The following SRPX variants were observed in gnomAD, a reference collection of about 807,000 sequenced individuals.
SRPX encodes the protein sushi repeat containing protein X-linked, also known as sushi repeat-containing protein SRPX.
A neutral mutation model predicts 38.1 loss-of-function variants in SRPX; 24 were observed. That is an observed-to-expected ratio of 0.63 (90% confidence interval 0.46 to 0.89). The LOEUF (loss-of-function observed/expected upper bound fraction) is 0.89, where lower values mean the gene tolerates loss of function less well. Among genes scored for constraint, SRPX ranks in the 40% least tolerant of loss-of-function variants. The pLI is 0.00. For synonymous variants in SRPX, 184 were observed against 153.8 expected, an observed-to-expected ratio of 1.20 and a Z score of -1.45; for missense variants, 416 against 377.8, an observed-to-expected ratio of 1.10 and a Z score of -0.84.
In SRPX at chrX:38,220,766, C is replaced by A; in HGVS notation, c.27G>T (p.Ala9=). 1 of 1,135,642 alleles carries A rather than the reference C, an allele frequency of 8.8e-7. No individual in the cohort carries two copies. The allele number at this position is 1,135,642 out of a possible 1,213,427, so 93.6% of individuals were successfully genotyped here. MGSPAHRP[A]LLLLLPPLLL... ...GCAGAGGCGGCAGCAGCAGCAGCAG[C>A]GCGGGCCGATGTGCGGGGCTCCCCA... The change falls in exon 1 of 10, where the codon GCG becomes GCT. Residue 9 remains alanine (A), a synonymous_variant. Transcript: ENST00000378533.
At chrX:38,206,164 G>C (rs1423161462) in intron 1 of SRPX, among the ~76,000 whole-genome samples, 1 of 112,546 alleles carries the variant, frequency 8.9e-6, no homozygotes, top group African/African-American at 3.2e-5. Flanking sequence ...AGGCAACACG[G>C]GGAGATGGAA....
At chrX:38,161,162 A>G in intron 5 of SRPX, 108 bp from the exon 6 acceptor site, 1 of 902,584 alleles carries the variant, frequency 1.1e-6, no homozygotes, top group Non-Finnish European at 1.5e-6. Flanking sequence ...GGCAACCATT[A>G]GACCAGTTTA....
At chrX:38,205,432 A>G (rs1484128759) in intron 1 of SRPX, among the ~76,000 whole-genome samples, 2 of 111,439 alleles carry the variant, frequency 1.8e-5, no homozygotes, top group African/African-American at 3.3e-5. Flanking sequence ...AGTTCTTTAT[A>G]TATTTCTTTT....
chrX:38,184,165 G>A (rs188863016), intron 1 of SRPX, among the ~76,000 whole-genome samples: 479 of 111,670 alleles, frequency 4.3e-3, no homozygotes, highest in Non-Finnish European at 6.1e-3. Flanking sequence ...GTTTCTCACC[G>A]TAAGGTAGGG....
At chrX:38,181,435 G>A (rs992336679) in intron 1 of SRPX, among the ~76,000 whole-genome samples, 2 of 112,296 alleles carry the variant, frequency 1.8e-5, no homozygotes, top group East Asian at 5.6e-4. Flanking sequence ...CAAAGGGAAG[G>A]AACTCTTTTC....
chrX:38,155,885 T>C (rs867561354), intron 8 of SRPX, among the ~76,000 whole-genome samples: 3 of 111,645 alleles, frequency 2.7e-5, no homozygotes, highest in Non-Finnish European at 5.6e-5. Flanking sequence ...AAAGATGCAA[T>C]GAATTTGGTT....
At chrX:38,184,596 T>C (rs1394031976) in intron 1 of SRPX, among the ~76,000 whole-genome samples, 2 of 111,766 alleles carry the variant, frequency 1.8e-5, no homozygotes, top group East Asian at 2.8e-4. Flanking sequence ...TTTTGATACA[T>C]GCCTTTTGGT....
chrX:38,170,540 G>A lies in SRPX; in HGVS notation c.526+1341C>T, dbSNP rs73469663. 4.4e-3 allele frequency among the ~76,000 whole-genome samples: 484 copies of A among 110,833 alleles called. 4 individuals are homozygous for A. Among genetic ancestry groups the A allele is most frequent in the African/African-American group, 0.015 (456 of 30,454 alleles). Reference sequence around the variant, plus strand: ...GGAGCTCTAGGCTCTCTTGTGGATCGCTGTACCCCTTTTTGTCATCCCTAA... The same window carrying A: ...GGAGCTCTAGGCTCTCTTGTGGATCACTGTACCCCTTTTTGTCATCCCTAA... On this transcript the variant is annotated intron_variant, in intron 4 of 9. Transcript: ENST00000378533.
intron 1 of SRPX, among the ~76,000 whole-genome samples, chrX:38,213,291 G>A (rs1228267552): frequency 8.9e-6 from 1 of 112,027 alleles, no homozygotes; most frequent in Admixed American, 9.4e-5. Context: ...GGTGATGAAT[G>A]CACAACTCTG....
intron 1 of SRPX, among the ~76,000 whole-genome samples, chrX:38,197,576 C>T (rs186416920): frequency 5.5e-4 from 61 of 111,524 alleles, no homozygotes; most frequent in Middle Eastern, 4.6e-3. Flanking sequence ...CACTTGGGGC[C>T]ACACTTTGAG....
intron 4 of SRPX, among the ~76,000 whole-genome samples, chrX:38,166,907 C>G (rs912251378): frequency 9.0e-6 from 1 of 111,730 alleles, no homozygotes; most frequent in Non-Finnish European, 1.9e-5. Context: ...GATAGGTTAT[C>G]TGGGTGAAGA....
chrX:38,168,367 C>T (rs963585877), intron 4 of SRPX, among the ~76,000 whole-genome samples: 7 of 111,365 alleles, frequency 6.3e-5, no homozygotes, highest in African/African-American at 2.0e-4. Context: ...CTCAGCCAGA[C>T]CCCAGTCAGT....
chrX:38,157,172 G>T, intron 7 of SRPX, 143 bp from the exon 8 acceptor site: 2 of 676,491 alleles, frequency 3.0e-6, no homozygotes, highest in Non-Finnish European at 4.3e-6. Context: ...TTGGGAGGCA[G>T]TCCCAAGAAG....
rs1555954481 is a variant in SRPX at position 38,220,766 on chromosome X, C to CGCG, written c.24_26dup (p.Ala9dup). The CGCG allele has an allele frequency of 1.8e-6, 2 of 1,135,643 alleles. No homozygotes were observed. Among genetic ancestry groups the CGCG allele is most frequent in the Admixed American group, 5.5e-5 (2 of 36,404 alleles). The allele number at this position is 1,135,643 out of a possible 1,213,427, so 93.6% of individuals were successfully genotyped here. On this transcript the variant is annotated inframe_insertion, in exon 1 of 10. Transcript: ENST00000378533. ...GCAGAGGCGGCAGCAGCAGCAGCAGCGCGGGCCGATGTGCGGGGCTCCCCA... is the reference window on the plus strand; with the variant it reads ...GCAGAGGCGGCAGCAGCAGCAGCAGCGCGGCGGGCCGATGTGCGGGGCTCCCCA...
intron 1 of SRPX, among the ~76,000 whole-genome samples, chrX:38,208,856 T>C (rs1939264132): frequency 9.7e-6 from 1 of 102,726 alleles, no homozygotes; most frequent in Admixed American, 1.1e-4. Flanking sequence ...TTCTTTTTTT[T>C]TTTTTTTTTT....
In SRPX at chrX:38,149,469, A is replaced by G; in HGVS notation, c.*242T>C. The G allele has an allele frequency of 3.4e-6, 1 of 297,227 alleles. No homozygotes were observed. The allele number at this position is 297,227 out of a possible 1,213,427, so 24.5% of individuals were successfully genotyped here. On this transcript the variant is annotated 3_prime_UTR_variant, in exon 10 of 10. Transcript: ENST00000378533. ...TTATGGGTTCTAATTTCTCTACAAA[A>G]TCAAGCAGCCATGATGGAGTAAAGA... is the stretch of plus-strand genomic sequence containing the variant.
intron 2 of SRPX, among the ~76,000 whole-genome samples, chrX:38,176,481 T>C (rs779405163): frequency 5.2e-4 from 58 of 112,252 alleles, no homozygotes; most frequent in African/African-American, 1.7e-3. Context: ...AATAATGGCT[T>C]GTCTCTAGCT....
chrX:38,161,630 C>A (rs944571782), intron 5 of SRPX, among the ~76,000 whole-genome samples: 4 of 111,663 alleles, frequency 3.6e-5, no homozygotes, highest in Non-Finnish European at 7.5e-5. Context: ...CTTACATAAA[C>A]CTTACATGTT....
At chrX:38,176,860 ATATACT>A (rs1227774409) in intron 2 of SRPX, among the ~76,000 whole-genome samples, 1 of 112,224 alleles carries the variant, frequency 8.9e-6, no homozygotes, top group African/African-American at 3.2e-5. Flanking sequence ...TGATGCTTTG[ATATACT>A]TATACATACT....
Sources: gnomAD v4.1 joint callset for allele counts (sites outside exome capture counted in the v4.1 genomes callset) on GRCh38, gnomAD v4.1.1 for gene constraint, MANE v1.5 for transcripts, NCBI Gene and HGNC (gene_info 2026-07-23, HGNC 2026-07-21) for gene names.